The following CIT variants were observed in gnomAD, a reference collection of about 807,000 sequenced individuals.
The protein encoded by CIT is citron rho-interacting serine/threonine kinase, also known as citron Rho-interacting kinase.
In CIT, 79 loss-of-function variants were observed where a neutral mutation model predicts 272.7. That is an observed-to-expected ratio of 0.29 (90% CI 0.24 to 0.35). The LOEUF is 0.35. Among genes scored for constraint, CIT ranks in the 10% least tolerant of loss-of-function variants. CIT has a pLI of 1.00. For synonymous variants in CIT, 948 were observed against 995.6 expected (o/e 0.95, Z 0.90); for missense variants, 1,909 against 2,618.3 (o/e 0.73, Z 5.91).
At chr12:119,744,266 G>C (rs1364343787) in intron 23 of CIT, among the ~76,000 whole-genome samples, 2 of 152,172 alleles carry the variant, frequency 1.3e-5, no homozygotes, top group Non-Finnish European at 2.9e-5. Context: ...GAGGAAAGAG[G>C]AGTCAAAGAC....
At chr12:119,801,813 T>G (rs1966227607) in intron 10 of CIT, among the ~76,000 whole-genome samples, 1 of 152,196 alleles carries the variant, frequency 6.6e-6, no homozygotes, top group South Asian at 2.1e-4. Flanking sequence ...CCATCCAGAT[T>G]GCTTTGGGGT....
At chr12:119,737,547 T>G (rs895907211) in intron 24 of CIT, among the ~76,000 whole-genome samples, 2 of 152,116 alleles carry the variant, frequency 1.3e-5, no homozygotes, top group African/African-American at 4.8e-5. Flanking sequence ...AGTTATATTA[T>G]AAAATGCTAA....
At chr12:119,772,976 A>G (rs1234015497) in intron 16 of CIT, 66 bp from the exon 17 acceptor site, 3 of 1,338,542 alleles carry the variant, frequency 2.2e-6, no homozygotes, top group Non-Finnish European at 3.1e-6. Flanking sequence ...TGGTGACAGT[A>G]TGTTCTGCAC....
chr12:119,873,268 CTT>C (rs59861360), intron 2 of CIT, among the ~76,000 whole-genome samples: 86 of 136,832 alleles, frequency 6.3e-4, no homozygotes, highest in Admixed American at 5.9e-4. Context: ...TTTTCCTTTT[CTT>C]TTTTTTTTTT....
chr12:119,795,619 C>G (rs1965670070), intron 10 of CIT, among the ~76,000 whole-genome samples: 1 of 152,170 alleles, frequency 6.6e-6, no homozygotes, highest in African/African-American at 2.4e-5. Flanking sequence ...TTAGACAAGT[C>G]CATAACTCCT....
chr12:119,838,050 C>T (rs576648670), intron 5 of CIT, among the ~76,000 whole-genome samples: 5 of 151,994 alleles, frequency 3.3e-5, no homozygotes, highest in Non-Finnish European at 5.9e-5. Flanking sequence ...GCTGACGTTC[C>T]GGTATAATGA....
At chr12:119,868,931 C>G in intron 3 of CIT, 129 bp downstream of exon 3, 1 of 1,109,136 alleles carries the variant, frequency 9.0e-7, no homozygotes, top group South Asian at 1.6e-5. Flanking sequence ...TGAATTTGAA[C>G]CTGGATCTGT....
intron 40 of CIT, among the ~76,000 whole-genome samples, chr12:119,705,292 C>G (rs1040687455): frequency 6.6e-6 from 1 of 152,176 alleles, no homozygotes; most frequent in African/African-American, 2.4e-5. Flanking sequence ...TACATCAAAA[C>G]GCTCTTTTTC....
Position 119,752,216 on chromosome 12 carries a change from T to C in CIT, c.2738A>G (p.Glu913Gly). ...TAGCTCTGTGAGCTGGCGCTTGAGC[T>C]CCAGTTTCTGCTCCTCGTGCTCTAG... The part of the protein sequence containing the change: ...VSLEHEEQKL[E>G]LKRQLTELQL... Residue 913 changes from glutamate to glycine, a missense_variant, in exon 23 of 48, where the codon GAG becomes GGG. By Grantham distance (98) the Glu-to-Gly change is moderately conservative (BLOSUM62 -2). This residue lies in a region of CIT where 530 missense variants were observed against 822.4 expected (regional missense o/e 0.64). Transcript: ENST00000392521. The C allele has an allele frequency of 6.2e-7, 1 of 1,609,628 alleles. No homozygotes were observed. Among genetic ancestry groups the C allele is most frequent in the African/African-American group, 1.3e-5 (1 of 75,012 alleles).
intron 46 of CIT, among the ~76,000 whole-genome samples, chr12:119,693,090 G>A (rs1001183090): frequency 6.6e-6 from 1 of 150,558 alleles, no homozygotes; most frequent in African/African-American, 2.4e-5. Context: ...CTGGCCAGGG[G>A]AAGAAGGATT....
intron 7 of CIT, among the ~76,000 whole-genome samples, chr12:119,829,462 A>G (rs181009534): frequency 6.6e-6 from 1 of 152,334 alleles, no homozygotes; most frequent in East Asian, 1.9e-4. Context: ...CTAGGGCATA[A>G]GCATATACCT....
In CIT at chr12:119,712,268, G is replaced by A. The variant is rs187589584; in HGVS notation, c.4764C>T (p.Pro1588=). Residue 1588 remains proline, a synonymous_variant, in exon 37 of 48, where the codon CCC becomes CCT. Transcript: ENST00000392521. The surrounding 1 kb of genome is among the most constrained non-coding windows in gnomAD (Gnocchi z 5.2). The stretch of plus-strand genomic sequence containing the variant: ...CCCAGCGCTGTTTGTCAGGGAAGCT[G>A]GGAGCTAGCAAGTAGAGGGTTCTCC... The part of the protein sequence containing the change: ...WPGRTLYLLA[P]SFPDKQRWVT... 1.1e-5 allele frequency: 17 copies of A among 1,614,052 alleles called. No individual in the cohort carries two copies. Among genetic ancestry groups the A allele is most frequent in the Non-Finnish European group, 1.4e-5 (17 of 1,180,010 alleles).
intron 26 of CIT, among the ~76,000 whole-genome samples, chr12:119,731,813 AATATATATATATATAT>A (rs57327382): frequency 2.9e-5 from 4 of 139,150 alleles, no homozygotes; most frequent in African/African-American, 1.1e-4. Context: ...TTCTCTCCTA[AATATATATATATATAT>A]ATATATATAT....
At chr12:119,808,486 C>A (rs1222427884) in intron 9 of CIT, among the ~76,000 whole-genome samples, 1 of 151,796 alleles carries the variant, frequency 6.6e-6, no homozygotes, top group Non-Finnish European at 1.5e-5. Flanking sequence ...AAATGATATG[C>A]TTCAGAGTAC....
At chr12:119,742,300 C>G (rs1452751231) in intron 24 of CIT, 111 bp downstream of exon 24, 8 of 724,480 alleles carry the variant, frequency 1.1e-5, no homozygotes, top group Non-Finnish European at 1.7e-5. Flanking sequence ...CTTCTTCAAG[C>G]TGCAAGTTCG....
At chr12:119,799,419 G>A (rs1966000148) in intron 10 of CIT, among the ~76,000 whole-genome samples, 1 of 152,304 alleles carries the variant, frequency 6.6e-6, no homozygotes, top group Non-Finnish European at 1.5e-5. Context: ...CCCCAGTAGA[G>A]CAAGGAAGAG....
At chr12:119,865,152 GA>G (rs1300190822) in intron 3 of CIT, among the ~76,000 whole-genome samples, 1 of 152,146 alleles carries the variant, frequency 6.6e-6, no homozygotes, top group Non-Finnish European at 1.5e-5. Flanking sequence ...TCAAAAATAT[GA>G]AACATTTCCC....
intron 9 of CIT, among the ~76,000 whole-genome samples, chr12:119,811,785 C>T (rs1966849741): frequency 6.6e-6 from 1 of 152,176 alleles, no homozygotes; most frequent in Non-Finnish European, 1.5e-5. Flanking sequence ...TTTTCTCTCC[C>T]TCTCAGTCTA....
chr12:119,864,266 T>G (rs187665278), intron 3 of CIT, among the ~76,000 whole-genome samples: 1 of 152,320 alleles, frequency 6.6e-6, no homozygotes, highest in East Asian at 1.9e-4. Flanking sequence ...AGCCCAATTT[T>G]GACAATTATC....
Sources: allele counts gnomAD v4.1 joint callset (sites outside exome capture counted in the v4.1 genomes callset), GRCh38; gene constraint gnomAD v4.1.1; regional missense constraint gnomAD v4.1.1; non-coding constraint Gnocchi (gnomAD v3.1); transcripts MANE v1.5; gene names NCBI Gene and HGNC (gene_info 2026-07-23, HGNC 2026-07-21).